PHIP: variants seen among roughly 807,000 people sequenced by gnomAD.
The protein encoded by PHIP is PHIP subunit of CUL4-Ring ligase complex.
Under a neutral mutation model 236.8 loss-of-function variants are expected in PHIP, and 54 were observed. That is an observed-to-expected ratio of 0.23 (90% CI 0.18 to 0.29). The LOEUF (loss-of-function observed/expected upper bound fraction) is 0.29. PHIP is among the 10% of genes least tolerant of loss of function. The pLI, the probability that PHIP is intolerant of heterozygous loss-of-function variation, is 1.00. For synonymous variants in PHIP, 756 were observed against 718.9 expected (o/e 1.05, Z -0.83); for missense variants, 1,370 against 2,190.8 (o/e 0.63, Z 7.48).
chr6:79,074,150 A>C (rs1774028104), intron 4 of PHIP, among the ~76,000 whole-genome samples: 1 of 152,146 alleles, frequency 6.6e-6, no homozygotes, highest in African/African-American at 2.4e-5. Flanking sequence ...GCAAACAAAC[A>C]AAAAAGATTT....
At chr6:79,017,794 TTTA>T (rs1471133934) in intron 10 of PHIP, among the ~76,000 whole-genome samples, 4 of 151,950 alleles carry the variant, frequency 2.6e-5, no homozygotes, top group Non-Finnish European at 5.9e-5. Context: ...TTTTTCAATA[TTTA>T]TAGAAGTAAA....
At chr6:78,975,051 C>G (rs1441479695) in intron 24 of PHIP, among the ~76,000 whole-genome samples, 2 of 150,762 alleles carry the variant, frequency 1.3e-5, no homozygotes, top group African/African-American at 2.5e-5. Flanking sequence ...GATACCAAAG[C>G]TGGGCAGAGA....
intron 32 of PHIP, chr6:78,956,195 TC>T (rs1766406045): frequency 6.6e-6 from 1 of 152,128 alleles, no homozygotes; most frequent in Non-Finnish European, 1.5e-5. Flanking sequence ...TCCCCAGATA[TC>T]CTTGTTCCTT....
chr6:78,949,920 C>T (rs1774050799), intron 35 of PHIP, among the ~76,000 whole-genome samples: 1 of 152,150 alleles, frequency 6.6e-6, no homozygotes, highest in South Asian at 2.1e-4. Context: ...AACTCCTGAG[C>T]TCAAGTGATC....
chr6:78,964,867 C>A (rs919809015), intron 29 of PHIP, among the ~76,000 whole-genome samples: 1 of 152,198 alleles, frequency 6.6e-6, no homozygotes, highest in African/African-American at 2.4e-5. Context: ...TAATGCTACT[C>A]TATAAATAAT....
At chr6:78,948,413 G>A (rs1463360727) in intron 35 of PHIP, among the ~76,000 whole-genome samples, 1 of 152,070 alleles carries the variant, frequency 6.6e-6, no homozygotes, top group Admixed American at 6.6e-5. Flanking sequence ...AACAGGAAGA[G>A]CAACAGAAAA....
intron 24 of PHIP, among the ~76,000 whole-genome samples, chr6:78,974,191 G>A (rs1767856309): frequency 6.6e-6 from 1 of 152,116 alleles, no homozygotes; most frequent in African/African-American, 2.4e-5. Flanking sequence ...AGACCACAGA[G>A]CAATCAAACT....
chr6:79,042,373 T>G (rs1357358418), intron 7 of PHIP, among the ~76,000 whole-genome samples: 1 of 151,992 alleles, frequency 6.6e-6, no homozygotes, highest in Non-Finnish European at 1.5e-5. Flanking sequence ...TGCTCAGAAT[T>G]TTTTAGCTTT....
intron 24 of PHIP, among the ~76,000 whole-genome samples, chr6:78,973,021 A>G (rs1767719228): frequency 6.6e-6 from 1 of 152,318 alleles, no homozygotes. Context: ...CAGGAAATAC[A>G]GAGAACGCCA....
chr6:78,975,413 T>C (rs1015249177), intron 24 of PHIP, among the ~76,000 whole-genome samples: 49 of 152,252 alleles, frequency 3.2e-4, no homozygotes, highest in Admixed American at 1.9e-3. Context: ...CCACAGCCAA[T>C]ATCATACTGA....
rs1010990305 is a variant in PHIP, at chr6:78,976,203, C to T, written c.2889+2389G>A. Among the ~76,000 whole-genome samples, 13 of 149,062 alleles carry T rather than the reference C, an allele frequency of 8.7e-5. No individual in the cohort carries two copies. In the Middle Eastern group the frequency reaches 0.01, roughly 120 times the overall value. ...TATAGATCAATGGAACAGAACAGAG[C>T]CCTCAGAAATAACGCCGCATATCTA... is the stretch of plus-strand genomic sequence containing the variant. On this transcript the variant is annotated intron_variant, in intron 24 of 39. Transcript: ENST00000275034.
intron 6 of PHIP, among the ~76,000 whole-genome samples, chr6:79,051,149 C>T (rs961492551): frequency 6.6e-6 from 1 of 152,054 alleles, no homozygotes; most frequent in Non-Finnish European, 1.5e-5. Flanking sequence ...ACTCATAATT[C>T]GAGGGCCAGA....
chr6:79,034,488 C>T (rs936907863), intron 7 of PHIP, among the ~76,000 whole-genome samples: 4 of 152,120 alleles, frequency 2.6e-5, no homozygotes, highest in African/African-American at 4.8e-5. Context: ...CACTTCAATT[C>T]GATGCAGAAA....
intron 21 of PHIP, among the ~76,000 whole-genome samples, chr6:78,986,143 C>A (rs938286379): frequency 6.6e-6 from 1 of 152,068 alleles, no homozygotes; most frequent in Non-Finnish European, 1.5e-5. Flanking sequence ...ATTATAGGCA[C>A]ATTTATGTTT....
At position 79,078,144 on chromosome 6, in the gene PHIP, C is replaced by T; in HGVS notation, c.-76G>A. The T allele has an allele frequency of 1.4e-6, 2 of 1,448,888 alleles. No individual in the cohort carries two copies. The highest frequency in any genetic ancestry group is 1.9e-6 in the Non-Finnish European group (2 of 1,045,510). 89.8% of individuals were successfully genotyped at this position (1,448,888 alleles called of 1,614,324 possible). ...AAGCGGGGACGGTGCCGCCGCCTGC[C>T]CTATAGCTGTCAGTGTGTGTTCACG... On this transcript the variant is annotated 5_prime_UTR_variant, in exon 1 of 40. Transcript: ENST00000275034.
intron 6 of PHIP, among the ~76,000 whole-genome samples, chr6:79,058,508 C>A (rs1416185790): frequency 6.6e-6 from 1 of 152,036 alleles, no homozygotes; most frequent in Non-Finnish European, 1.5e-5. Flanking sequence ...TTAATAAATT[C>A]AGTTTACTGG....
intron 24 of PHIP, among the ~76,000 whole-genome samples, chr6:78,971,775 C>A (rs139657653): frequency 1.1e-4 from 17 of 152,256 alleles, no homozygotes; most frequent in African/African-American, 2.2e-4. Flanking sequence ...ACGGACGGCA[C>A]CTGGAAAATC....
At chr6:79,059,481 A>G (rs1222818252) in intron 6 of PHIP, among the ~76,000 whole-genome samples, 2 of 151,360 alleles carry the variant, frequency 1.3e-5, no homozygotes, top group Admixed American at 6.6e-5. Context: ...TTATATGTAA[A>G]TGACTAAATG....
chr6:79,003,952 T>A (rs1770146796), intron 15 of PHIP, 94 bp from the exon 16 acceptor site: 2 of 761,572 alleles, frequency 2.6e-6, no homozygotes, highest in Admixed American at 3.3e-5. Flanking sequence ...AAAGCATACA[T>A]CCTAATGAAG....
Sources: gnomAD v4.1 joint callset for allele counts (sites outside exome capture counted in the v4.1 genomes callset) on GRCh38, gnomAD v4.1.1 for gene constraint, MANE v1.5 for transcripts, NCBI Gene and HGNC (gene_info 2026-07-23, HGNC 2026-07-21) for gene names.